CNTNAP5: variants seen among roughly 807,000 people sequenced by gnomAD.
CNTNAP5 encodes contactin-associated protein-like 5.
CNTNAP5 carries 72 observed loss-of-function variants against 150.2 expected under a neutral mutation model. The ratio of observed to expected loss-of-function variants is 0.48; its 90% CI spans 0.40 to 0.58. The LOEUF is 0.58. Among genes scored for constraint, CNTNAP5 ranks in the 20% least tolerant of loss-of-function variants. The pLI, the probability that CNTNAP5 is intolerant of heterozygous loss-of-function variation, is 0.00. For missense variants in CNTNAP5, 1,636 were observed against 1,626.2 expected (o/e 1.01, Z -0.10); for synonymous variants, 672 against 619.8 (o/e 1.08, Z -1.25).
intron 19 of CNTNAP5, among the ~76,000 whole-genome samples, chr2:124,864,268 A>G (rs1677582762): frequency 2.0e-5 from 3 of 152,228 alleles, no homozygotes; most frequent in Admixed American, 2.0e-4. Flanking sequence ...TATAAGGTAC[A>G]TAGAGATGTT....
chr2:124,400,030 G>A (rs2104757199), intron 3 of CNTNAP5, among the ~76,000 whole-genome samples: 1 of 151,604 alleles, frequency 6.6e-6, no homozygotes, highest in South Asian at 2.1e-4. Context: ...TGACCAGGAA[G>A]ATCTCCCATT....
intron 19 of CNTNAP5, among the ~76,000 whole-genome samples, chr2:124,809,885 A>G (rs1245671674): frequency 6.6e-6 from 1 of 152,212 alleles, no homozygotes; most frequent in Non-Finnish European, 1.5e-5. Context: ...TACCCAGCAC[A>G]GTGCATAGAA....
At chr2:124,588,533 T>G (rs979879096) in intron 11 of CNTNAP5, among the ~76,000 whole-genome samples, 3 of 152,084 alleles carry the variant, frequency 2.0e-5, no homozygotes, top group African/African-American at 7.2e-5. Context: ...CCAACGACTT[T>G]ACTTCCAGGC....
chr2:124,685,723 C>A (rs1679177942), intron 13 of CNTNAP5, among the ~76,000 whole-genome samples: 1 of 149,094 alleles, frequency 6.7e-6, no homozygotes, highest in Non-Finnish European at 1.5e-5. Flanking sequence ...TCTGTAGACA[C>A]CCAATATCTA....
chr2:124,301,007 T>C (rs1178980680), intron 3 of CNTNAP5, among the ~76,000 whole-genome samples: 1 of 152,140 alleles, frequency 6.6e-6, no homozygotes, highest in Non-Finnish European at 1.5e-5. Flanking sequence ...TTTTAAAACA[T>C]GGTATGCTTT....
At chr2:124,885,228 A>C (rs1195889349) in intron 21 of CNTNAP5, among the ~76,000 whole-genome samples, 1 of 151,868 alleles carries the variant, frequency 6.6e-6, no homozygotes, top group Admixed American at 6.6e-5. Context: ...TCTGCTCATA[A>C]GGTCTTGCAA....
intron 12 of CNTNAP5, among the ~76,000 whole-genome samples, chr2:124,634,162 C>T (rs527324297): frequency 6.6e-6 from 1 of 152,306 alleles, no homozygotes; most frequent in East Asian, 1.9e-4. Context: ...GTGGGCTTTT[C>T]TTTTCTACCA....
intron 3 of CNTNAP5, among the ~76,000 whole-genome samples, chr2:124,320,620 C>T (rs1689076243): frequency 6.6e-6 from 1 of 151,684 alleles, no homozygotes; most frequent in South Asian, 2.1e-4. Flanking sequence ...GCTTTCTGTG[C>T]ACCAAAAGAA....
chr2:124,286,852 T>C (rs1688166236), intron 3 of CNTNAP5, among the ~76,000 whole-genome samples: 1 of 152,164 alleles, frequency 6.6e-6, no homozygotes, highest in Non-Finnish European at 1.5e-5. Context: ...AAGTTCCATC[T>C]CAACTAAAAC....
chr2:124,314,822 T>G (rs1688923900), intron 3 of CNTNAP5, among the ~76,000 whole-genome samples: 1 of 152,174 alleles, frequency 6.6e-6, no homozygotes, highest in African/African-American at 2.4e-5. Flanking sequence ...ACAGCTTATT[T>G]TATATTATGA....
rs71412792 is a variant in CNTNAP5, at chr2:124,702,346, C to CTTTTTTTTTTTTTTTT, written c.2078-44848_2078-44833dup. Among the ~76,000 whole-genome samples, 5 of 52,250 alleles carry CTTTTTTTTTTTTTTTT rather than the reference C, an allele frequency of 9.6e-5. 1 individual carries two copies. Among genetic ancestry groups the CTTTTTTTTTTTTTTTT allele is most frequent in the Non-Finnish European group, 1.3e-4 (4 of 30,002 alleles). The allele number at this position is 52,250 out of a possible 152,430, so 34.3% of individuals were successfully genotyped here. Reference sequence around the variant, plus strand: ...ATGTCCTTCTGTGAAACTATGAACACTTTTTTTTTTTTTTTTTTTTTTTTT... The same window carrying CTTTTTTTTTTTTTTTT: ...ATGTCCTTCTGTGAAACTATGAACACTTTTTTTTTTTTTTTTTTTTTTTTTTTTTTTTTTTTTTTTT... On this transcript the variant is annotated intron_variant, in intron 13 of 23. Coordinates refer to ENST00000682447, the MANE Select transcript of CNTNAP5 (RefSeq NM_001367498.1).
In CNTNAP5 at chr2:124,210,144, C is replaced by G. The variant is rs542220018; in HGVS notation, c.83-11561C>G. 2.0e-5 allele frequency among the ~76,000 whole-genome samples: 3 copies of G among 152,264 alleles called. No homozygotes were observed. The South Asian group carries it at 6.2e-4, about 32-fold the overall frequency. Reference sequence around the variant, plus strand: ...TTTCCTGAATATGGAATTCATTGCTCACCTGTCTTTGGGTAATTAAAAACC... The same window carrying G: ...TTTCCTGAATATGGAATTCATTGCTGACCTGTCTTTGGGTAATTAAAAACC... On this transcript the variant is annotated intron_variant, in intron 1 of 23. Coordinates refer to ENST00000682447, the MANE Select transcript of CNTNAP5 (RefSeq NM_001367498.1).
intron 13 of CNTNAP5, among the ~76,000 whole-genome samples, chr2:124,707,201 G>GAAGAAGAAGAAGAAGAAT (rs1390951606): frequency 2.8e-5 from 4 of 140,528 alleles, no homozygotes; most frequent in South Asian, 4.7e-4. Context: ...AGAAGAAGAA[G>GAAGAAGAAGAAGAAGAAT]AAGAATAAAC....
chr2:124,811,293 A>G (rs1682212998), intron 19 of CNTNAP5, among the ~76,000 whole-genome samples: 1 of 152,166 alleles, frequency 6.6e-6, no homozygotes, highest in African/African-American at 2.4e-5. Flanking sequence ...GAGTAATGGA[A>G]CTAAAATAAC....
At chr2:124,131,434 A>C (rs1034072454) in intron 1 of CNTNAP5, among the ~76,000 whole-genome samples, 2 of 152,158 alleles carry the variant, frequency 1.3e-5, no homozygotes, top group African/African-American at 4.8e-5. Flanking sequence ...GAGGAAATGG[A>C]GAAGGGTTAA....
chr2:124,564,211 T>C (rs11888989), intron 11 of CNTNAP5, among the ~76,000 whole-genome samples: 84,695 of 151,972 alleles, frequency 0.56, 24,687 homozygotes, highest in Non-Finnish European at 0.62. Flanking sequence ...TTTCAAATAG[T>C]TTCAGATGGC....
At position 124,609,785 on chromosome 2, in the gene CNTNAP5, G is replaced by A. The variant is rs778249712; in HGVS notation, c.1757-16G>A. 1 of 1,612,720 alleles carries A rather than the reference G, an allele frequency of 6.2e-7. No individual in the cohort carries two copies. The highest frequency in any genetic ancestry group is 1.7e-5 in the Admixed American group (1 of 59,948). On this transcript the variant is annotated splice_polypyrimidine_tract_variant and intron_variant, in intron 11 of 23. Coordinates refer to ENST00000682447, the MANE Select transcript of CNTNAP5 (RefSeq NM_001367498.1). ...AGCCAAGCAAAGTTTTATCTCTGCT[G>A]CCTTTGTCTTTCCAGCCATCTACGA...
intron 1 of CNTNAP5, among the ~76,000 whole-genome samples, chr2:124,194,332 C>G (rs1397846403): frequency 7.4e-6 from 1 of 134,840 alleles, no homozygotes; most frequent in Non-Finnish European, 1.6e-5. Context: ...ATTAACAAAA[C>G]TCAAATTGCA....
chr2:124,858,693 G>A (rs187103722), intron 19 of CNTNAP5, among the ~76,000 whole-genome samples: 27 of 152,194 alleles, frequency 1.8e-4, no homozygotes, highest in African/African-American at 5.8e-4. Flanking sequence ...GAGTCAAAAA[G>A]CATACAATGG....
Sources: gnomAD v4.1 joint callset for allele counts (sites outside exome capture counted in the v4.1 genomes callset) on GRCh38, gnomAD v4.1.1 for gene constraint, MANE v1.5 for transcripts, NCBI Gene and HGNC (gene_info 2026-07-23, HGNC 2026-07-21) for gene names.